The following SYT1 variants were observed in gnomAD, a reference collection of about 807,000 sequenced individuals.
The protein encoded by SYT1 is synaptotagmin 1.
SYT1 carries 8 observed loss-of-function variants against 44.8 expected under a neutral mutation model. That is an observed-to-expected ratio of 0.18 (90% CI 0.10 to 0.32). The LOEUF (loss-of-function observed/expected upper bound fraction) is 0.32. SYT1 is among the 10% of genes least tolerant of loss of function. The pLI, the probability that SYT1 is intolerant of heterozygous loss-of-function variation, is 1.00. For synonymous variants in SYT1, 154 were observed against 188.8 expected (o/e 0.82, Z 1.51); for missense variants, 286 against 509.3 (o/e 0.56, Z 4.22).
At chr12:79,172,959 T>C (rs1336760266) in intron 3 of SYT1, among the ~76,000 whole-genome samples, 1 of 98,330 alleles carries the variant, frequency 1.0e-5, no homozygotes, top group Admixed American at 1.5e-4. Flanking sequence ...GTTACTAGAG[T>C]TCCTGCTCTC....
intron 4 of SYT1, among the ~76,000 whole-genome samples, chr12:79,274,816 C>T (rs556761889): frequency 1.2e-4 from 18 of 152,320 alleles, no homozygotes; most frequent in Admixed American, 3.9e-4. Flanking sequence ...CAACATAGTA[C>T]TCATAGTGAA....
At chr12:79,331,424 A>G (rs1259981170) in intron 8 of SYT1, among the ~76,000 whole-genome samples, 1 of 152,042 alleles carries the variant, frequency 6.6e-6, no homozygotes, top group East Asian at 1.9e-4. Context: ...TTGTGCATAT[A>G]CTCTTTTCAG....
At chr12:78,967,258 T>C (rs540180788) in intron 1 of SYT1, among the ~76,000 whole-genome samples, 5 of 152,184 alleles carry the variant, frequency 3.3e-5, no homozygotes, top group Admixed American at 6.5e-5. Flanking sequence ...ACTGTAGTAT[T>C]TGAAAGGATA....
chr12:79,295,176 C>T (rs897095189), intron 6 of SYT1, among the ~76,000 whole-genome samples: 1 of 152,038 alleles, frequency 6.6e-6, no homozygotes, highest in Non-Finnish European at 1.5e-5. Context: ...TGCTTTGTTA[C>T]CTATATGGAT....
intron 4 of SYT1, among the ~76,000 whole-genome samples, chr12:79,282,953 A>G (rs1879124193): frequency 6.6e-6 from 1 of 152,188 alleles, no homozygotes; most frequent in South Asian, 2.1e-4. Context: ...ATATTGAAAC[A>G]TGTTTCTACA....
At chr12:79,230,586 CTA>C (rs1311524391) in intron 4 of SYT1, among the ~76,000 whole-genome samples, 2 of 152,122 alleles carry the variant, frequency 1.3e-5, no homozygotes, top group African/African-American at 4.8e-5. Context: ...CAGTAGGACT[CTA>C]TCAACATTCT....
chr12:79,251,072 C>A (rs1158870503), intron 4 of SYT1, among the ~76,000 whole-genome samples: 1 of 152,090 alleles, frequency 6.6e-6, no homozygotes, highest in Non-Finnish European at 1.5e-5. Flanking sequence ...CTTCTGTTGC[C>A]TTTTCTAGTT....
At chr12:79,429,654 G>T (rs367891703) in intron 9 of SYT1, among the ~76,000 whole-genome samples, 1 of 150,904 alleles carries the variant, frequency 6.6e-6, no homozygotes, top group African/African-American at 2.4e-5. Flanking sequence ...TCAGCCTCCC[G>T]AGTAGCTGGG....
intron 4 of SYT1, among the ~76,000 whole-genome samples, chr12:79,262,388 G>A (rs1358691232): frequency 3.3e-5 from 5 of 152,184 alleles, no homozygotes; most frequent in Non-Finnish European, 7.3e-5. Context: ...AGCATCTGCT[G>A]TTGTAAAATC....
At chr12:79,370,449 T>C (rs1370570391) in intron 9 of SYT1, among the ~76,000 whole-genome samples, 2 of 152,148 alleles carry the variant, frequency 1.3e-5, no homozygotes, top group Non-Finnish European at 2.9e-5. Flanking sequence ...AAACAAAAGC[T>C]AGAGGAAAGT....
chr12:79,024,220 AC>A (rs1872378163), intron 2 of SYT1, among the ~76,000 whole-genome samples: 1 of 151,688 alleles, frequency 6.6e-6, no homozygotes, highest in Non-Finnish European at 1.5e-5. Context: ...CAATTCAAAG[AC>A]GTATTTGCTG....
At chr12:79,242,212 T>C (rs1876557084) in intron 4 of SYT1, among the ~76,000 whole-genome samples, 1 of 152,216 alleles carries the variant, frequency 6.6e-6, no homozygotes. Flanking sequence ...ACCTGGGTCC[T>C]TGTGAACGAA....
At position 78,877,732 on chromosome 12, in the gene SYT1, G is replaced by T. The variant is rs76411709; in HGVS notation, c.-217+12623G>T. On this transcript the variant is annotated intron_variant, in intron 1 of 10. Transcript: ENST00000261205. ...CATTCAGGTTGGAGAGCAAGCACAT[G>T]ATCCTCCCAACTCAGCTACCTGAGT... 8.7e-4 allele frequency among the ~76,000 whole-genome samples: 132 copies of T among 151,688 alleles called. 1 individual carries two copies. The highest frequency in any genetic ancestry group is 3.0e-3 in the African/African-American group (124 of 41,426).
At chr12:79,156,641 G>C (rs955570202) in intron 3 of SYT1, among the ~76,000 whole-genome samples, 39 of 151,920 alleles carry the variant, frequency 2.6e-4, no homozygotes, top group African/African-American at 8.9e-4. Context: ...CTAATTTTTT[G>C]TATTTTTAGT....
At chr12:79,046,958 A>T (rs1475392933) in intron 2 of SYT1, among the ~76,000 whole-genome samples, 2 of 151,918 alleles carry the variant, frequency 1.3e-5, no homozygotes, top group Non-Finnish European at 2.9e-5. Context: ...GAATCATGTG[A>T]TTTATTTCTT....
At position 79,148,005 on chromosome 12, in the gene SYT1, G is replaced by A. The variant is rs185899322; in HGVS notation, c.-17-69498G>A. ...ACTTACTGAAGGTAATTGTAATGCAGCTTGAGTTGTAAACATTAATGAAAA... is the reference window on the plus strand; with the variant it reads ...ACTTACTGAAGGTAATTGTAATGCAACTTGAGTTGTAAACATTAATGAAAA... On this transcript the variant is annotated intron_variant, in intron 3 of 10. Transcript: ENST00000261205. 7.3e-3 allele frequency among the ~76,000 whole-genome samples: 1,108 copies of A among 151,710 alleles called. 17 individuals carry two copies. The highest frequency in any genetic ancestry group is 0.026 in the African/African-American group (1,054 of 41,230).
chr12:79,316,477 A>C (rs1881089498), intron 8 of SYT1, among the ~76,000 whole-genome samples: 1 of 152,114 alleles, frequency 6.6e-6, no homozygotes, highest in African/African-American at 2.4e-5. Context: ...ATATGCTTTC[A>C]TTTCTCCTGA....
intron 6 of SYT1, among the ~76,000 whole-genome samples, chr12:79,293,166 A>C (rs1240677831): frequency 6.7e-5 from 10 of 150,252 alleles, no homozygotes; most frequent in Non-Finnish European, 1.3e-4. Context: ...CAAAAAAAAA[A>C]AAAAAAAATT....
rs183047355 is a variant in SYT1 at position 79,221,626 on chromosome 12, A to G, written c.166+3941A>G. Among the ~76,000 whole-genome samples the G allele has an allele frequency of 4.1e-3, 619 of 152,284 alleles. 3 individuals carry two copies. The highest frequency in any genetic ancestry group is 0.014 in the African/African-American group (583 of 41,574). ...GTTTTCAAAAAACATCTATAGTTAT[A>G]ACAGGTTATTTTAAGCTGAAAACAA... On this transcript the variant is annotated intron_variant, in intron 4 of 10. Transcript: ENST00000261205.
Sources: allele counts gnomAD v4.1 joint callset (sites outside exome capture counted in the v4.1 genomes callset), GRCh38; gene constraint gnomAD v4.1.1; transcripts MANE v1.5; gene names NCBI Gene and HGNC (gene_info 2026-07-23, HGNC 2026-07-21).